The following MACROH2A2 variants were observed in gnomAD, a reference collection of about 807,000 sequenced individuals.
MACROH2A2 encodes the protein core histone macro-H2A.2.
A neutral mutation model predicts 37.6 loss-of-function variants in MACROH2A2; 6 were observed. That is an observed-to-expected ratio of 0.16 (90% CI 0.09 to 0.32). The LOEUF (loss-of-function observed/expected upper bound fraction) is 0.32, where lower values mean the gene tolerates loss of function less well. MACROH2A2 is among the 10% of genes least tolerant of loss of function. The pLI is 1.00. For synonymous variants in MACROH2A2, 192 were observed against 202.7 expected (o/e 0.95, Z 0.45); for missense variants, 290 against 485.9 (o/e 0.60, Z 3.79).
chr10:70,085,192 A>C (rs74139264), intron 2 of MACROH2A2, among the ~76,000 whole-genome samples: 16,824 of 152,148 alleles, frequency 0.11, 1,119 homozygotes, highest in African/African-American at 0.18. Flanking sequence ...GTGGATGGAG[A>C]TACCAGTTCT....
rs1024634318 is a variant in MACROH2A2, at chr10:70,053,558, C to A, written c.-60+558C>A. On this transcript the variant is annotated intron_variant, in intron 1 of 8. Transcript: ENST00000373255. This position sits in a 1 kb window ranked among gnomAD's most constrained non-coding sequence, Gnocchi z 4.8. ...GGAGCAGCCGGGCGGAGGTTAGGGA[C>A]CCGAGTCCGGGGGCGGGCCGCGCCG... 6.6e-6 allele frequency among the ~76,000 whole-genome samples: 1 copy of A among 151,578 alleles called. No individual in the cohort carries two copies. The highest frequency in any genetic ancestry group is 1.5e-5 in the Non-Finnish European group (1 of 67,802).
chr10:70,065,344 T>G (rs2072073408), intron 1 of MACROH2A2, among the ~76,000 whole-genome samples: 1 of 152,148 alleles, frequency 6.6e-6, no homozygotes, highest in Non-Finnish European at 1.5e-5. Flanking sequence ...CCCAAAGTGC[T>G]GGGATTATAA....
chr10:70,074,697 G>A (rs1406628184), intron 1 of MACROH2A2, among the ~76,000 whole-genome samples: 1 of 152,130 alleles, frequency 6.6e-6, no homozygotes, highest in East Asian at 1.9e-4. Context: ...GTTTATAAGA[G>A]GAAACCCCTT....
rs1216327157 is a variant in MACROH2A2 at position 70,053,748 on chromosome 10, C to G, written c.-60+748C>G. 6.6e-6 allele frequency among the ~76,000 whole-genome samples: 1 copy of G among 151,928 alleles called. No homozygotes were observed. Among genetic ancestry groups the G allele is most frequent in the African/African-American group, 2.4e-5 (1 of 41,412 alleles). On this transcript the variant is annotated intron_variant, in intron 1 of 8. Transcript: ENST00000373255. The surrounding 1 kb of genome is among the most constrained non-coding windows in gnomAD (Gnocchi z 4.8). ...CTTTCCGGGGCGCCCGGTGCCGACGCGCGCTGCGCTTTCACCGGGAAATGG... is the reference window on the plus strand; with the variant it reads ...CTTTCCGGGGCGCCCGGTGCCGACGGGCGCTGCGCTTTCACCGGGAAATGG...
chr10:70,103,861 A>C (rs1369740787), intron 7 of MACROH2A2, among the ~76,000 whole-genome samples: 1 of 152,236 alleles, frequency 6.6e-6, no homozygotes, highest in Non-Finnish European at 1.5e-5. Flanking sequence ...TCAACCAAGA[A>C]TTCCACATTT....
At chr10:70,078,211 C>T (rs984867899) in intron 2 of MACROH2A2, among the ~76,000 whole-genome samples, 3 of 152,194 alleles carry the variant, frequency 2.0e-5, no homozygotes, top group African/African-American at 4.8e-5. Context: ...ATTTGTTGAG[C>T]ATCTCCACGT....
At chr10:70,100,909 A>G (rs994095052) in intron 7 of MACROH2A2, among the ~76,000 whole-genome samples, 19 of 152,056 alleles carry the variant, frequency 1.2e-4, no homozygotes, top group African/African-American at 4.6e-4. Flanking sequence ...GAGCCACCAC[A>G]CCCGGCCACT....
chr10:70,091,427 G>C (rs1163183351), intron 3 of MACROH2A2, among the ~76,000 whole-genome samples: 1 of 152,206 alleles, frequency 6.6e-6, no homozygotes, highest in Non-Finnish European at 1.5e-5. Context: ...TGTAATCCCA[G>C]CACTTTGGGA....
In MACROH2A2 at chr10:70,091,884, G is replaced by A. The variant is rs1372583265; in HGVS notation, c.407G>A (p.Gly136Asp). 1.2e-6 allele frequency: 2 copies of A among 1,613,966 alleles called. No homozygotes were observed. Among genetic ancestry groups the A allele is most frequent in the East Asian group, 4.5e-5 (2 of 44,884 alleles). Reference sequence around the variant, plus strand: ...CTCTCCCCACCCCCAGAGAAAAGAGGCAGGAAGGCCACGTCAGGCAAGAAG... The same window carrying A: ...CTCTCCCCACCCCCAGAGAAAAGAGACAGGAAGGCCACGTCAGGCAAGAAG... Reference protein sequence around the residue: ...TILSPPPEKRGRKATSGKKGG... With the variant: ...TILSPPPEKRDRKATSGKKGG... Residue 136 changes from glycine to aspartate, a missense_variant, in exon 4 of 9, where the codon GGC becomes GAC. By Grantham distance (94) the Gly-to-Asp change is moderately conservative. Transcript: ENST00000373255.
chr10:70,103,415 C>T (rs919523121), intron 7 of MACROH2A2, among the ~76,000 whole-genome samples: 5 of 152,182 alleles, frequency 3.3e-5, no homozygotes, highest in African/African-American at 1.2e-4. Flanking sequence ...GCTGTGTTGC[C>T]CAGGCTGATC....
At chr10:70,099,980 A>T (rs749696655) in intron 6 of MACROH2A2, among the ~76,000 whole-genome samples, 3 of 152,042 alleles carry the variant, frequency 2.0e-5, no homozygotes, top group African/African-American at 7.3e-5. Context: ...TGGCCAAATC[A>T]CCCCTTAAAA....
chr10:70,078,473 G>A (rs886463527), intron 2 of MACROH2A2, among the ~76,000 whole-genome samples: 6 of 152,298 alleles, frequency 3.9e-5, no homozygotes, highest in Non-Finnish European at 7.3e-5. Flanking sequence ...CTCCCCCAAA[G>A]GCAGGCAGGC....
chr10:70,065,277 A>G (rs923228827), intron 1 of MACROH2A2, among the ~76,000 whole-genome samples: 54 of 152,082 alleles, frequency 3.6e-4, no homozygotes, highest in African/African-American at 1.2e-3. Flanking sequence ...GGGTTTCACC[A>G]TGTTGGCCAG....
intron 2 of MACROH2A2, among the ~76,000 whole-genome samples, chr10:70,078,420 C>T (rs756508633): frequency 6.6e-6 from 1 of 152,208 alleles, no homozygotes; most frequent in Non-Finnish European, 1.5e-5. Flanking sequence ...GAGGCCCAGG[C>T]CTGTCCTCTG....
intron 1 of MACROH2A2, among the ~76,000 whole-genome samples, chr10:70,065,463 A>T (rs2072074022): frequency 6.6e-6 from 1 of 152,206 alleles, no homozygotes; most frequent in Non-Finnish European, 1.5e-5. Flanking sequence ...GATGAAAATC[A>T]ATCAATAAAT....
chr10:70,104,013 G>T (rs977318261), intron 7 of MACROH2A2, among the ~76,000 whole-genome samples: 1 of 152,214 alleles, frequency 6.6e-6, no homozygotes, highest in Non-Finnish European at 1.5e-5. Context: ...GAAGGAAGGA[G>T]AGGGCTACAG....
At chr10:70,076,956 C>T (rs920038385) in intron 2 of MACROH2A2, among the ~76,000 whole-genome samples, 1 of 152,016 alleles carries the variant, frequency 6.6e-6, no homozygotes, top group African/African-American at 2.4e-5. Context: ...GAAATGTCCT[C>T]CCCCGAGAGC....
rs1464867029 is a variant in MACROH2A2 at position 70,057,826 on chromosome 10, A to G, written c.-60+4826A>G. 2.0e-5 allele frequency among the ~76,000 whole-genome samples: 3 copies of G among 152,186 alleles called. No individual in the cohort carries two copies. The East Asian group carries it at 5.8e-4, about 29-fold the overall frequency. ...CTGCCAGGTACTGTTCAAGCACCTT[A>G]CATGTATTAACCCATTTAATTCTGA... On this transcript the variant is annotated intron_variant, in intron 1 of 8. Transcript: ENST00000373255.
intron 7 of MACROH2A2, among the ~76,000 whole-genome samples, chr10:70,108,248 T>C (rs890421741): frequency 6.6e-6 from 1 of 152,092 alleles, no homozygotes; most frequent in African/African-American, 2.4e-5. Flanking sequence ...TAAAAGCCAC[T>C]GTATTCATTT....
Sources: gnomAD v4.1 joint callset for allele counts (sites outside exome capture counted in the v4.1 genomes callset) on GRCh38, gnomAD v4.1.1 for gene constraint, Gnocchi (gnomAD v3.1) non-coding constraint, MANE v1.5 for transcripts, NCBI Gene and HGNC (gene_info 2026-07-23, HGNC 2026-07-21) for gene names.